LRRTM4: variants seen among roughly 807,000 people sequenced by gnomAD.
LRRTM4 encodes the protein leucine rich repeat transmembrane neuronal 4, also known as leucine-rich repeat transmembrane neuronal protein 4.
LRRTM4 carries 25 observed loss-of-function variants against 47.6 expected under a neutral mutation model. The ratio of observed to expected loss-of-function variants is 0.53; its 90% confidence interval spans 0.38 to 0.73. The LOEUF is 0.73. Among genes scored for constraint, LRRTM4 ranks in the 30% least tolerant of loss-of-function variants. LRRTM4 has a pLI of 0.00. For synonymous variants in LRRTM4, 311 were observed against 269.5 expected, an observed-to-expected ratio of 1.15 and a Z score of -1.51; for missense variants, 638 against 713.4, an observed-to-expected ratio of 0.89 and a Z score of 1.20.
chr2:77,221,376 G>A (rs1402521434), intron 3 of LRRTM4, among the ~76,000 whole-genome samples: 13 of 152,136 alleles, frequency 8.5e-5, no homozygotes, highest in Non-Finnish European at 1.6e-4. Context: ...AAATGTAAAT[G>A]GGCTAAGTGC....
At chr2:76,881,785 A>C (rs1029190865) in intron 3 of LRRTM4, among the ~76,000 whole-genome samples, 1 of 152,062 alleles carries the variant, frequency 6.6e-6, no homozygotes, top group African/African-American at 2.4e-5. Flanking sequence ...ATATATTGTT[A>C]AACTTTTTTC....
chr2:76,987,575 T>A (rs1219203385), intron 3 of LRRTM4: 1 of 151,942 alleles, frequency 6.6e-6, no homozygotes, highest in African/African-American at 2.4e-5. Context: ...ATCTAAGTAA[T>A]GATGTGGTAA....
chr2:77,435,949 T>C (rs1573411318), intron 3 of LRRTM4, among the ~76,000 whole-genome samples: 1 of 152,214 alleles, frequency 6.6e-6, no homozygotes, highest in African/African-American at 2.4e-5. Flanking sequence ...ATTAATGGTA[T>C]AATTAGAGAA....
At chr2:77,511,640 G>A (rs908094141) in intron 3 of LRRTM4, among the ~76,000 whole-genome samples, 1 of 151,600 alleles carries the variant, frequency 6.6e-6, no homozygotes, top group Non-Finnish European at 1.5e-5. Context: ...TATTATTATT[G>A]TTTGTACATG....
chr2:76,784,876 T>G (rs1227474791), intron 3 of LRRTM4, among the ~76,000 whole-genome samples: 3 of 152,120 alleles, frequency 2.0e-5, no homozygotes, highest in African/African-American at 7.2e-5. Flanking sequence ...AGTGAATGCT[T>G]TGATCATAGA....
intron 3 of LRRTM4, among the ~76,000 whole-genome samples, chr2:77,206,195 T>C (rs78253132): frequency 6.6e-6 from 1 of 151,052 alleles, no homozygotes; most frequent in Non-Finnish European, 1.5e-5. Context: ...TTTTTTTTTT[T>C]TGAAACAGGG....
chr2:77,275,726 C>T (rs1260902225), intron 3 of LRRTM4, among the ~76,000 whole-genome samples: 2 of 152,008 alleles, frequency 1.3e-5, no homozygotes, highest in African/African-American at 4.8e-5. Context: ...CAGTACTAGC[C>T]AAGCTTGAAC....
chr2:77,044,919 G>A (rs1010170639), intron 3 of LRRTM4, among the ~76,000 whole-genome samples: 1 of 151,738 alleles, frequency 6.6e-6, no homozygotes, highest in African/African-American at 2.4e-5. Context: ...AGGTGTTTGT[G>A]TGTATATGTG....
At chr2:76,830,605 T>C (rs1051234613) in intron 3 of LRRTM4, among the ~76,000 whole-genome samples, 4 of 151,648 alleles carry the variant, frequency 2.6e-5, no homozygotes, top group African/African-American at 9.7e-5. Flanking sequence ...TATTTGCATC[T>C]TTTAGTTTCT....
intron 3 of LRRTM4, among the ~76,000 whole-genome samples, chr2:76,892,234 T>C (rs1315445159): frequency 6.6e-6 from 1 of 151,672 alleles, no homozygotes; most frequent in African/African-American, 2.4e-5. Flanking sequence ...GACAGTTAAA[T>C]TACAACTCAC....
intron 3 of LRRTM4, among the ~76,000 whole-genome samples, chr2:76,798,443 T>A (rs1303941785): frequency 3.3e-5 from 5 of 150,198 alleles, no homozygotes. Flanking sequence ...TGGGACGCAT[T>A]CAAAGCAGTG....
intron 3 of LRRTM4, among the ~76,000 whole-genome samples, chr2:76,898,178 G>A (rs1673488342): frequency 6.6e-6 from 1 of 150,552 alleles, no homozygotes; most frequent in Non-Finnish European, 1.5e-5. Context: ...TAAAATACAT[G>A]CTCATTATGT....
chr2:77,251,425 A>G (rs144042126), intron 3 of LRRTM4, among the ~76,000 whole-genome samples: 2,039 of 151,954 alleles, frequency 0.013, 13 homozygotes, highest in Middle Eastern at 0.031. Context: ...AAGTCACTAC[A>G]TGGGAATGGA....
chr2:77,481,731 T>C (rs1677710961), intron 3 of LRRTM4, among the ~76,000 whole-genome samples: 1 of 152,228 alleles, frequency 6.6e-6, no homozygotes, highest in South Asian at 2.1e-4. Flanking sequence ...AGATATTCCT[T>C]GTCAGTTTCT....
At chr2:77,129,731 C>A (rs1359355772) in intron 3 of LRRTM4, among the ~76,000 whole-genome samples, 2 of 152,266 alleles carry the variant, frequency 1.3e-5, no homozygotes, top group East Asian at 3.9e-4. Context: ...TTTCATTCAT[C>A]CTGTTTCAGA....
At chr2:77,328,683 G>T (rs142302422) in intron 3 of LRRTM4, among the ~76,000 whole-genome samples, 1 of 152,106 alleles carries the variant, frequency 6.6e-6, no homozygotes, top group Non-Finnish European at 1.5e-5. Context: ...AGTGAGCTAC[G>T]ATCTATGGTT....
At chr2:77,113,129 A>C (rs1671294988) in intron 3 of LRRTM4, among the ~76,000 whole-genome samples, 1 of 152,058 alleles carries the variant, frequency 6.6e-6, no homozygotes, top group Non-Finnish European at 1.5e-5. Flanking sequence ...ATTGGGCATA[A>C]ATATCAGAGA....
chr2:77,506,194 G>A (rs1444191750), intron 3 of LRRTM4, among the ~76,000 whole-genome samples: 2 of 151,554 alleles, frequency 1.3e-5, no homozygotes, highest in Admixed American at 6.6e-5. Flanking sequence ...TTTTACGTTA[G>A]TATTAAGTAA....
intron 3 of LRRTM4, among the ~76,000 whole-genome samples, chr2:76,810,826 C>G (rs545794330): frequency 6.6e-6 from 1 of 152,244 alleles, no homozygotes; most frequent in South Asian, 2.1e-4. Flanking sequence ...AATGTGCTTT[C>G]TCAAGGAATT....
Sources: gnomAD v4.1 joint callset for allele counts (sites outside exome capture counted in the v4.1 genomes callset) on GRCh38, gnomAD v4.1.1 for gene constraint, MANE v1.5 for transcripts, NCBI Gene and HGNC (gene_info 2026-07-23, HGNC 2026-07-21) for gene names.